Variants in DLGAP2 observed in about 807,000 individuals in gnomAD.
DLGAP2 encodes the protein DLG associated protein 2.
In DLGAP2, 26 loss-of-function variants were observed where a neutral mutation model predicts 100.3. That is an observed-to-expected ratio of 0.26 (90% CI 0.19 to 0.36). The LOEUF (loss-of-function observed/expected upper bound fraction) is 0.36, where lower values mean the gene tolerates loss of function less well. Among genes scored for constraint, DLGAP2 ranks in the 10% least tolerant of loss-of-function variants. The pLI, the probability that DLGAP2 is intolerant of heterozygous loss-of-function variation, is 1.00. For synonymous variants in DLGAP2, 886 were observed against 630.1 expected (o/e 1.41, Z -6.08); for missense variants, 1,858 against 1,453.2 (o/e 1.28, Z -4.53).
At chr8:1,614,094 A>C (rs1797071276) in intron 6 of DLGAP2, among the ~76,000 whole-genome samples, 1 of 152,126 alleles carries the variant, frequency 6.6e-6, no homozygotes, top group African/African-American at 2.4e-5. Flanking sequence ...CTGCAAGTGT[A>C]TGCCCTGGCT....
intron 2 of DLGAP2, among the ~76,000 whole-genome samples, chr8:1,162,280 C>A (rs949995527): frequency 1.3e-5 from 2 of 152,190 alleles, no homozygotes; most frequent in Non-Finnish European, 2.9e-5. Context: ...TACCCTGCAC[C>A]GGCGTCTGCG....
chr8:1,057,634 A>T (rs1247175558), intron 2 of DLGAP2, among the ~76,000 whole-genome samples: 1 of 152,240 alleles, frequency 6.6e-6, no homozygotes, highest in Non-Finnish European at 1.5e-5. Context: ...TGGAGAATGT[A>T]AGCAGGGACC....
chr8:1,370,910 C>T (rs948484821), intron 3 of DLGAP2, among the ~76,000 whole-genome samples: 1 of 152,222 alleles, frequency 6.6e-6, no homozygotes, highest in African/African-American at 2.4e-5. Flanking sequence ...GTGCCTAGAA[C>T]AGGGCTTTAC....
At chr8:958,371 C>A (rs551296872) in intron 2 of DLGAP2, among the ~76,000 whole-genome samples, 1 of 152,062 alleles carries the variant, frequency 6.6e-6, no homozygotes, top group Admixed American at 6.6e-5. Context: ...CATGAGTATG[C>A]GTGCAGGTCC....
chr8:1,651,795 A>G (rs577748337), intron 8 of DLGAP2, among the ~76,000 whole-genome samples: 3 of 152,346 alleles, frequency 2.0e-5, no homozygotes, highest in African/African-American at 7.2e-5. Flanking sequence ...GTATGTGCTC[A>G]TCAGAAGTAA....
chr8:853,836 G>T (rs925262703), intron 1 of DLGAP2, among the ~76,000 whole-genome samples: 1 of 152,156 alleles, frequency 6.6e-6, no homozygotes, highest in Non-Finnish European at 1.5e-5. Context: ...TCTCTGTGGT[G>T]GGCTGAAGGT....
chr8:1,308,100 C>T (rs1800533495), intron 3 of DLGAP2, among the ~76,000 whole-genome samples: 1 of 152,158 alleles, frequency 6.6e-6, no homozygotes, highest in Non-Finnish European at 1.5e-5. Flanking sequence ...TCAGAAAAGG[C>T]CTAGGAAGAC....
At chr8:834,594 A>G (rs953660370) in intron 1 of DLGAP2, among the ~76,000 whole-genome samples, 13 of 152,152 alleles carry the variant, frequency 8.5e-5, no homozygotes, top group Admixed American at 8.5e-4. Flanking sequence ...TACCTTTAAA[A>G]CACTCTGTCT....
chr8:1,141,614 G>C (rs1302375653), intron 2 of DLGAP2, among the ~76,000 whole-genome samples: 1 of 152,084 alleles, frequency 6.6e-6, no homozygotes, highest in East Asian at 1.9e-4. Flanking sequence ...TTTTCCTGTG[G>C]ACATACTCAA....
At chr8:1,410,976 G>A (rs1392575545) in intron 3 of DLGAP2, among the ~76,000 whole-genome samples, 2 of 151,790 alleles carry the variant, frequency 1.3e-5, no homozygotes, top group Non-Finnish European at 2.9e-5. Flanking sequence ...GCATAGTGTT[G>A]TACGTTACTT....
At chr8:1,478,054 C>T (rs1184083920) in intron 3 of DLGAP2, among the ~76,000 whole-genome samples, 1 of 152,180 alleles carries the variant, frequency 6.6e-6, no homozygotes, top group Non-Finnish European at 1.5e-5. Flanking sequence ...TAAATGTGAC[C>T]TTCAGAAATC....
chr8:1,555,936 C>G (rs144264487), intron 5 of DLGAP2, among the ~76,000 whole-genome samples: 32 of 152,220 alleles, frequency 2.1e-4, no homozygotes, highest in African/African-American at 7.5e-4. Flanking sequence ...GACAGTGTTC[C>G]GAAAAGCACA....
chr8:1,210,766 C>T (rs999212705), intron 2 of DLGAP2, among the ~76,000 whole-genome samples: 13 of 151,772 alleles, frequency 8.6e-5, no homozygotes, highest in African/African-American at 2.4e-4. Flanking sequence ...CTGCAGGGCA[C>T]GTGGATCCTG....
intron 1 of DLGAP2, among the ~76,000 whole-genome samples, chr8:810,898 T>G (rs1796357922): frequency 1.3e-5 from 2 of 152,226 alleles, no homozygotes; most frequent in Admixed American, 1.3e-4. Context: ...GGAGATCCTT[T>G]GTCAATGTTG....
chr8:1,624,851 C>G (rs1373319693), intron 6 of DLGAP2, among the ~76,000 whole-genome samples: 1 of 143,408 alleles, frequency 7.0e-6, no homozygotes, highest in Non-Finnish European at 1.5e-5. Flanking sequence ...TGCTTTCTCT[C>G]TCTCTCTCTC....
intron 3 of DLGAP2, among the ~76,000 whole-genome samples, chr8:1,284,610 TC>T (rs1799885934): frequency 6.6e-6 from 1 of 152,204 alleles, no homozygotes; most frequent in Non-Finnish European, 1.5e-5. Flanking sequence ...CCTATCTTGT[TC>T]ATTCGTTGTT....
rs915448102 is a variant in DLGAP2, at chr8:1,077,234, A to T, written c.73+169268A>T. Among the ~76,000 whole-genome samples the T allele has an allele frequency of 2.6e-5, 4 of 152,198 alleles. No individual in the cohort carries two copies. The South Asian group carries it at 8.3e-4, about 32-fold the overall frequency. On this transcript the variant is annotated intron_variant, in intron 2 of 14. Coordinates refer to ENST00000637795, the MANE Select transcript of DLGAP2 (RefSeq NM_001346810.2). ...GGGCAGGATCCTCCACTCCAGCATG[A>T]CCTCACCTTACCTCGTCACCTCTGT...
At chr8:1,205,336 G>A (rs1208568390) in intron 2 of DLGAP2, among the ~76,000 whole-genome samples, 1 of 152,182 alleles carries the variant, frequency 6.6e-6, no homozygotes, top group Non-Finnish European at 1.5e-5. Flanking sequence ...TGTTCCTCAG[G>A]GTCTTGGCTA....
chr8:849,902 A>C (rs968563058), intron 1 of DLGAP2, among the ~76,000 whole-genome samples: 2 of 152,064 alleles, frequency 1.3e-5, no homozygotes, highest in African/African-American at 4.8e-5. Flanking sequence ...CATCTCTACT[A>C]AAAATACAAA....
Sources: gnomAD v4.1 joint callset for allele counts (sites outside exome capture counted in the v4.1 genomes callset) on GRCh38, gnomAD v4.1.1 for gene constraint, MANE v1.5 for transcripts, NCBI Gene and HGNC (gene_info 2026-07-23, HGNC 2026-07-21) for gene names.